The following TMEM132D variants were observed in gnomAD, a reference collection of about 807,000 sequenced individuals.
The protein encoded by TMEM132D is mature OL transmembrane protein.
A neutral mutation model predicts 62.3 loss-of-function variants in TMEM132D; 21 were observed. That is an observed-to-expected ratio of 0.34 (90% CI 0.24 to 0.49). TMEM132D has a LOEUF of 0.49. Ranked by LOEUF, TMEM132D falls within the 20% of genes least tolerant of loss-of-function variation. The pLI, the probability that TMEM132D is intolerant of heterozygous loss-of-function variation, is 0.99. For synonymous variants in TMEM132D, 621 were observed against 575.6 expected, an observed-to-expected ratio of 1.08 and a Z score of -1.13; for missense variants, 1,346 against 1,402.8, an observed-to-expected ratio of 0.96 and a Z score of 0.65.
chr12:129,805,910 G>A (rs1871964624), intron 1 of TMEM132D, among the ~76,000 whole-genome samples: 1 of 131,144 alleles, frequency 7.6e-6, no homozygotes, highest in South Asian at 2.7e-4. Flanking sequence ...CTCAAAAGAA[G>A]ACATTTATGC....
chr12:129,462,285 A>G (rs569398806), intron 3 of TMEM132D, among the ~76,000 whole-genome samples: 4 of 152,298 alleles, frequency 2.6e-5, no homozygotes, highest in African/African-American at 9.6e-5. Context: ...CTGCATTGGA[A>G]GAGACGCTCA....
chr12:129,892,913 G>C (rs1165620349), intron 1 of TMEM132D, among the ~76,000 whole-genome samples: 1 of 152,090 alleles, frequency 6.6e-6, no homozygotes, highest in Non-Finnish European at 1.5e-5. Context: ...GTCTCACTCT[G>C]TCATCCAGGC....
chr12:129,106,295 T>C (rs1349074079), intron 5 of TMEM132D, among the ~76,000 whole-genome samples: 2 of 147,040 alleles, frequency 1.4e-5, no homozygotes, highest in Non-Finnish European at 1.5e-5. Flanking sequence ...AGGGATAGCA[T>C]TGGGAGATAT....
chr12:129,762,965 G>A (rs569236734), intron 1 of TMEM132D, among the ~76,000 whole-genome samples: 5 of 152,206 alleles, frequency 3.3e-5, no homozygotes, highest in Non-Finnish European at 7.3e-5. Context: ...GGAATCAACA[G>A]CCCACTAGCT....
rs1410922446 is a variant in TMEM132D, at chr12:129,144,198, G to A, written c.1444-59496C>T. On this transcript the variant is annotated intron_variant, in intron 5 of 8. Transcript: ENST00000422113. ...TAGGATGAAGGTTAAGCCCCAAACC[G>A]CTAGACCAAGCAGAACATGGAAAAT... Among the ~76,000 whole-genome samples, 9 of 152,074 alleles carry A rather than the reference G, an allele frequency of 5.9e-5. No homozygotes were observed. The East Asian group carries it at 1.7e-3, about 29-fold the overall frequency.
intron 1 of TMEM132D, among the ~76,000 whole-genome samples, chr12:129,745,931 G>A (rs564994669): frequency 3.5e-4 from 54 of 152,264 alleles, no homozygotes; most frequent in Non-Finnish European, 5.3e-4. Context: ...CCAGCCCTTC[G>A]GAAGGAGAAT....
intron 1 of TMEM132D, among the ~76,000 whole-genome samples, chr12:129,780,370 T>G (rs1282844290): frequency 6.6e-6 from 1 of 152,142 alleles, no homozygotes; most frequent in African/African-American, 2.4e-5. Context: ...CAAAATGTTT[T>G]TAAATCTTTT....
chr12:129,666,290 G>A (rs1294061820), intron 2 of TMEM132D, among the ~76,000 whole-genome samples: 1 of 152,218 alleles, frequency 6.6e-6, no homozygotes. Context: ...TGAATCTTCC[G>A]TTTGTCTGCA....
chr12:129,075,387 CT>C (rs1806987263), intron 8 of TMEM132D, among the ~76,000 whole-genome samples: 1 of 150,514 alleles, frequency 6.6e-6, no homozygotes, highest in South Asian at 2.1e-4. Context: ...TCAGAATCAA[CT>C]TCTGAACAAT....
At chr12:129,401,359 G>A (rs1915483) in intron 3 of TMEM132D, among the ~76,000 whole-genome samples, 28,172 of 152,062 alleles carry the variant, frequency 0.19, 2,848 homozygotes, top group East Asian at 0.37. Flanking sequence ...TTGAGGCCAG[G>A]AGTTTGAGAC....
At chr12:129,304,518 A>T (rs574528672) in intron 4 of TMEM132D, among the ~76,000 whole-genome samples, 8 of 152,172 alleles carry the variant, frequency 5.3e-5, no homozygotes, top group Middle Eastern at 3.4e-3. Flanking sequence ...TCATGGCCTG[A>T]ACAATCCCAT....
chr12:129,832,134 G>A (rs757741748), intron 1 of TMEM132D, among the ~76,000 whole-genome samples: 1 of 143,340 alleles, frequency 7.0e-6, no homozygotes, highest in Non-Finnish European at 1.5e-5. Flanking sequence ...TGATCCGCCC[G>A]TCTCAGCCTC....
At chr12:129,234,234 C>T (rs60103402) in intron 4 of TMEM132D, among the ~76,000 whole-genome samples, 1,664 of 152,250 alleles carry the variant, frequency 0.011, 31 homozygotes, top group African/African-American at 0.038. Context: ...AAGGAGAGAA[C>T]AGGCATGGAG....
intron 2 of TMEM132D, among the ~76,000 whole-genome samples, chr12:129,652,514 G>C (rs139103815): frequency 1.3e-3 from 205 of 152,286 alleles, no homozygotes; most frequent in Non-Finnish European, 2.6e-3. Context: ...TAATGACAAG[G>C]GTGTTTTAAA....
At chr12:129,870,007 G>A (rs766261800) in intron 1 of TMEM132D, among the ~76,000 whole-genome samples, 9 of 152,082 alleles carry the variant, frequency 5.9e-5, no homozygotes, top group Non-Finnish European at 1.3e-4. Context: ...CCACACCTGG[G>A]TTTCGTTTGT....
At chr12:129,708,480 G>C (rs1404703731) in intron 1 of TMEM132D, among the ~76,000 whole-genome samples, 1 of 152,042 alleles carries the variant, frequency 6.6e-6, no homozygotes, top group Non-Finnish European at 1.5e-5. Context: ...GGCGTCCTGT[G>C]CCTTGCTGAA....
At position 129,771,791 on chromosome 12, in the gene TMEM132D, T is replaced by A. The variant is rs150456632; in HGVS notation, c.80-71093A>T. On this transcript the variant is annotated intron_variant, in intron 1 of 8. Coordinates refer to ENST00000422113, the MANE Select transcript of TMEM132D (RefSeq NM_133448.3). ...GGTTCTCTGATGACGAGAATTCAGGTAAACCTGTCAATCATATTCACACAC... is the reference window on the plus strand; with the variant it reads ...GGTTCTCTGATGACGAGAATTCAGGAAAACCTGTCAATCATATTCACACAC... Among the ~76,000 whole-genome samples the A allele has an allele frequency of 7.9e-4, 121 of 152,346 alleles. 1 individual carries two copies. The East Asian group carries it at 0.021, about 27-fold the overall frequency.
At chr12:129,896,675 G>A (rs548734113) in intron 1 of TMEM132D, among the ~76,000 whole-genome samples, 12 of 152,024 alleles carry the variant, frequency 7.9e-5, no homozygotes, top group African/African-American at 2.9e-4. Context: ...CACTTTTTTG[G>A]AACCTCTTGT....
At chr12:129,622,276 CG>C (rs1879093964) in intron 2 of TMEM132D, among the ~76,000 whole-genome samples, 1 of 152,170 alleles carries the variant, frequency 6.6e-6, no homozygotes, top group Admixed American at 6.5e-5. Flanking sequence ...CAGGGAGCTT[CG>C]GTGTGGGCGA....
Sources: allele counts gnomAD v4.1 joint callset (sites outside exome capture counted in the v4.1 genomes callset), GRCh38; gene constraint gnomAD v4.1.1; transcripts MANE v1.5; gene names NCBI Gene and HGNC (gene_info 2026-07-23, HGNC 2026-07-21).